SHISA9: variants seen among roughly 807,000 people sequenced by gnomAD.
SHISA9 encodes shisa family member 9.
Under a neutral mutation model 38.0 loss-of-function variants are expected in SHISA9, and 13 were observed. The observed-to-expected ratio is 0.34, with a 90% CI of 0.22 to 0.54. The LOEUF is 0.54. Among genes scored for constraint, SHISA9 ranks in the 20% least tolerant of loss-of-function variants. The pLI is 0.91. For missense variants in SHISA9, 538 were observed against 575.8 expected, an observed-to-expected ratio of 0.93 and a Z score of 0.67; for synonymous variants, 275 against 242.0, an observed-to-expected ratio of 1.14 and a Z score of -1.27.
intron 2 of SHISA9, among the ~76,000 whole-genome samples, chr16:13,092,104 C>T (rs1398722135): frequency 6.6e-6 from 1 of 152,220 alleles, no homozygotes; most frequent in African/African-American, 2.4e-5. Context: ...CCACTCCAGA[C>T]CCTGTTTGCC....
chr16:13,173,536 A>C (rs2550566), intron 2 of SHISA9, among the ~76,000 whole-genome samples: 27,582 of 152,056 alleles, frequency 0.18, 3,373 homozygotes, highest in East Asian at 0.54. Context: ...CTAGATCAGC[A>C]GTTCTTAACT....
chr16:13,229,008 A>C (rs754236902), intron 4 of SHISA9, among the ~76,000 whole-genome samples: 2 of 152,140 alleles, frequency 1.3e-5, no homozygotes, highest in East Asian at 1.9e-4. Flanking sequence ...GAAAATACCA[A>C]AATCAGCCAG....
intron 2 of SHISA9, among the ~76,000 whole-genome samples, chr16:13,173,676 C>G (rs1683183045): frequency 6.6e-6 from 1 of 152,236 alleles, no homozygotes; most frequent in East Asian, 1.9e-4. Flanking sequence ...AGGACAGTCC[C>G]TTATCACCCA....
chr16:13,064,571 T>C (rs184101569), intron 2 of SHISA9, among the ~76,000 whole-genome samples: 18 of 152,248 alleles, frequency 1.2e-4, no homozygotes, highest in Admixed American at 7.8e-4. Flanking sequence ...ATAAGGATCA[T>C]TATATGTGTA....
In SHISA9 at chr16:12,901,801, C is replaced by T. The variant is rs1199269982; in HGVS notation, c.-264C>T. 2 of 147,704 alleles carry T rather than the reference C, an allele frequency of 1.4e-5. No individual in the cohort carries two copies. Among genetic ancestry groups the T allele is most frequent in the African/African-American group, 4.9e-5 (2 of 40,512 alleles). 9.1% of individuals were successfully genotyped at this position (147,704 alleles called of 1,614,324 possible). On this transcript the variant is annotated 5_prime_UTR_variant, in exon 1 of 5. Transcript: ENST00000558583. ...CCCCGCGCTTGACCCCGCTCATCCT[C>T]CCCCCGCCCGGCCGGGCGCGCTCCT...
the SHISA9 span, among the ~76,000 whole-genome samples, chr16:13,390,954 A>T: frequency 6.6e-6 from 1 of 152,330 alleles, no homozygotes; most frequent in Middle Eastern, 3.4e-3. Flanking sequence ...TGGCTGCTGA[A>T]TCTCCATTCC....
At chr16:13,428,624 A>G in the SHISA9 span, among the ~76,000 whole-genome samples, 1 of 152,194 alleles carries the variant, frequency 6.6e-6, no homozygotes, top group Non-Finnish European at 1.5e-5. Flanking sequence ...AGAAGACCTA[A>G]ACATTGGATA....
At chr16:13,436,366 C>T in the SHISA9 span, among the ~76,000 whole-genome samples, 4 of 152,228 alleles carry the variant, frequency 2.6e-5, no homozygotes, top group Non-Finnish European at 4.4e-5. Flanking sequence ...GACAATTTCA[C>T]CAGTGCCAGG....
chr16:13,177,854 CA>C (rs1410436342), intron 2 of SHISA9, among the ~76,000 whole-genome samples: 2 of 152,020 alleles, frequency 1.3e-5, no homozygotes, highest in African/African-American at 4.8e-5. Flanking sequence ...ATTTTTAGTA[CA>C]GAAGGGGTTT....
chr16:13,499,143 AAACCAATCAGT>A, the SHISA9 span, among the ~76,000 whole-genome samples: 3 of 152,196 alleles, frequency 2.0e-5, no homozygotes, highest in East Asian at 1.9e-4. Flanking sequence ...TCTAAAGTAG[AAACCAATCAGT>A]AACCAATCAG....
At chr16:13,270,848 ACT>A in the SHISA9 span, among the ~76,000 whole-genome samples, 1 of 152,110 alleles carries the variant, frequency 6.6e-6, no homozygotes, top group Non-Finnish European at 1.5e-5. Flanking sequence ...ATAAAAGTAG[ACT>A]CTGATTAGAA....
At chr16:13,321,584 G>A in the SHISA9 span, among the ~76,000 whole-genome samples, 6 of 152,214 alleles carry the variant, frequency 3.9e-5, no homozygotes, top group Non-Finnish European at 8.8e-5. Flanking sequence ...GTACAAAGGA[G>A]AGGAACACAC....
chr16:13,270,759 A>G, the SHISA9 span, among the ~76,000 whole-genome samples: 2 of 152,210 alleles, frequency 1.3e-5, no homozygotes, highest in African/African-American at 4.8e-5. Context: ...GCTGTCACTA[A>G]ATATGATTTT....
At chr16:13,546,449 A>G in the SHISA9 span, among the ~76,000 whole-genome samples, 2 of 152,220 alleles carry the variant, frequency 1.3e-5, no homozygotes, top group Non-Finnish European at 1.5e-5. Context: ...GAAAGAATTT[A>G]TCTCTCATAT....
At chr16:13,384,023 A>AT in the SHISA9 span, among the ~76,000 whole-genome samples, 2 of 152,286 alleles carry the variant, frequency 1.3e-5, no homozygotes, top group African/African-American at 4.8e-5. Flanking sequence ...GGTGTTTGCT[A>AT]TTTTTTAGAA....
chr16:13,363,737 A>G, the SHISA9 span, among the ~76,000 whole-genome samples: 1 of 152,214 alleles, frequency 6.6e-6, no homozygotes, highest in Non-Finnish European at 1.5e-5. Context: ...CGCTGGCTTC[A>G]GGATAAGCAT....
the SHISA9 span, among the ~76,000 whole-genome samples, chr16:13,337,024 G>A: frequency 6.6e-6 from 1 of 152,226 alleles, no homozygotes; most frequent in Non-Finnish European, 1.5e-5. Flanking sequence ...AGCAATGACA[G>A]TATGATGACA....
the SHISA9 span, among the ~76,000 whole-genome samples, chr16:13,290,338 T>C: frequency 9.2e-5 from 14 of 152,216 alleles, no homozygotes; most frequent in East Asian, 2.3e-3. Context: ...CTTTCCTGAA[T>C]TGGATCTTCT....
chr16:13,324,535 T>G, the SHISA9 span, among the ~76,000 whole-genome samples: 3 of 152,176 alleles, frequency 2.0e-5, no homozygotes, highest in Non-Finnish European at 4.4e-5. Context: ...TTAAGTAATT[T>G]CACTTCTATG....
Sources: gnomAD v4.1 joint callset for allele counts (sites outside exome capture counted in the v4.1 genomes callset) on GRCh38, gnomAD v4.1.1 for gene constraint, MANE v1.5 for transcripts, NCBI Gene and HGNC (gene_info 2026-07-23, HGNC 2026-07-21) for gene names.